Variants in TBC1D19 observed in about 807,000 individuals in gnomAD.
TBC1D19 encodes the protein TBC1 domain family, member 19.
In TBC1D19, 60 loss-of-function variants were observed where a neutral mutation model predicts 89.0. That is an observed-to-expected ratio of 0.67 (90% CI 0.55 to 0.84). The LOEUF (loss-of-function observed/expected upper bound fraction) is 0.84, where lower values mean the gene tolerates loss of function less well. Ranked by LOEUF, TBC1D19 falls within the 40% of genes least tolerant of loss-of-function variation. The pLI is 0.00. For synonymous variants in TBC1D19, 189 were observed against 199.7 expected (o/e 0.95, Z 0.45); for missense variants, 500 against 610.8 (o/e 0.82, Z 1.91).
chr4:26,591,652 G>A (rs1739817123), intron 1 of TBC1D19, among the ~76,000 whole-genome samples: 1 of 151,972 alleles, frequency 6.6e-6, no homozygotes, highest in African/African-American at 2.4e-5. Context: ...ATGATAAAGG[G>A]GATATCACCA....
chr4:26,806,039 T>C, the TBC1D19 span, among the ~76,000 whole-genome samples: 2 of 152,070 alleles, frequency 1.3e-5, no homozygotes, highest in Non-Finnish European at 2.9e-5. Context: ...CCTGCTTCTC[T>C]AACCTCACCC....
the TBC1D19 span, among the ~76,000 whole-genome samples, chr4:26,848,217 C>T: frequency 1.7e-3 from 251 of 152,064 alleles, 1 homozygote; most frequent in Non-Finnish European, 2.8e-3. Context: ...TAGAATGAAA[C>T]GGTGAGGAAA....
chr4:26,817,981 A>AAAAAATATAT, the TBC1D19 span, among the ~76,000 whole-genome samples: 521 of 125,974 alleles, frequency 4.1e-3, 7 homozygotes, highest in African/African-American at 0.018. Context: ...AAAAAAAAAA[A>AAAAAATATAT]ATATATATAT....
At chr4:26,839,461 C>T in the TBC1D19 span, among the ~76,000 whole-genome samples, 2 of 151,994 alleles carry the variant, frequency 1.3e-5, no homozygotes. Context: ...AAACAGAGCT[C>T]TTGCTTCATT....
intron 15 of TBC1D19, among the ~76,000 whole-genome samples, chr4:26,727,813 C>T (rs1470455823): frequency 1.3e-5 from 2 of 151,884 alleles, no homozygotes; most frequent in African/African-American, 2.4e-5. Flanking sequence ...ATTTATAAGC[C>T]TTGATTATAT....
chr4:26,717,952 G>A lies in TBC1D19; in HGVS notation c.974G>A (p.Arg325Gln), dbSNP rs778091482. 15 of 1,610,352 alleles carry A rather than the reference G, an allele frequency of 9.3e-6. No individual in the cohort carries two copies. The highest frequency in any genetic ancestry group is 4.0e-5 in the African/African-American group (3 of 74,628). The change falls in exon 14 of 21, where the codon CGG (arginine) becomes CAG (glutamine). Residue 325 changes from arginine (R) to glutamine (Q), a missense_variant. Coordinates refer to ENST00000264866, the MANE Select transcript of TBC1D19 (RefSeq NM_018317.4). Reference protein sequence around the residue: ...YLYQVLLCFSRDTSVLSHFAF... With the variant: ...YLYQVLLCFSQDTSVLSHFAF... ...ATTCAGGTATTACTTTGTTTTTCCC[G>A]GGATACATCTGTGTTGAGTCACTTT...
intron 1 of TBC1D19, among the ~76,000 whole-genome samples, chr4:26,590,248 T>C (rs942296499): frequency 6.6e-6 from 1 of 152,234 alleles, no homozygotes; most frequent in Non-Finnish European, 1.5e-5. Context: ...ACTGATGGGT[T>C]CAGAATGTAT....
chr4:26,774,173 A>G, the TBC1D19 span, among the ~76,000 whole-genome samples: 9 of 152,314 alleles, frequency 5.9e-5, no homozygotes, highest in Middle Eastern at 3.4e-3. Context: ...GATCCACCTG[A>G]TCCTCAACCA....
intron 1 of TBC1D19, among the ~76,000 whole-genome samples, chr4:26,609,937 T>C (rs1163921326): frequency 6.6e-6 from 1 of 152,098 alleles, no homozygotes; most frequent in Non-Finnish European, 1.5e-5. Flanking sequence ...TGTAATGAGA[T>C]AGATGATATA....
At chr4:26,654,872 T>C (rs1641557) in intron 7 of TBC1D19, among the ~76,000 whole-genome samples, 148,901 of 152,246 alleles carry the variant, frequency 0.98, 72,898 homozygotes, top group East Asian at 1. Flanking sequence ...CTTCTCTCAA[T>C]TCATCAAATT....
Position 26,576,687 on chromosome 4 carries a change from A to G in TBC1D19, c.-105A>G, listed in dbSNP as rs1352797352. The G allele has an allele frequency of 1.1e-5, 5 of 455,898 alleles. No individual in the cohort carries two copies. The Admixed American group carries it at 1.2e-4, about 11-fold the overall frequency. The allele number at this position is 455,898 out of a possible 1,614,324, so 28.2% of individuals were successfully genotyped here. ...CCAAGAGTGGAGTCCAATTCAGCAGAGAATTCACGGACAGAAGAACAACAC... is the reference window on the plus strand; with the variant it reads ...CCAAGAGTGGAGTCCAATTCAGCAGGGAATTCACGGACAGAAGAACAACAC... On this transcript the variant is annotated 5_prime_UTR_variant, in exon 1 of 13. Coordinates refer to the TBC1D19 transcript ENST00000512840.
chr4:26,740,934 A>G, intron 17 of TBC1D19: 3 of 985,474 alleles, frequency 3.0e-6, no homozygotes, highest in Non-Finnish European at 3.6e-6. Flanking sequence ...CCAGGATGTT[A>G]CAGATAAACA....
intron 1 of TBC1D19, among the ~76,000 whole-genome samples, chr4:26,597,529 T>C (rs900165368): frequency 4.7e-5 from 7 of 148,826 alleles, no homozygotes; most frequent in African/African-American, 1.7e-4. Context: ...GAGTCTTTTT[T>C]TTTTTTTTTT....
At chr4:26,786,900 A>G in the TBC1D19 span, among the ~76,000 whole-genome samples, 2 of 152,278 alleles carry the variant, frequency 1.3e-5, no homozygotes, top group East Asian at 1.9e-4. Flanking sequence ...AGTATCTTTG[A>G]AGTCAATTAG....
At chr4:26,717,523 C>G (rs1716707350) in intron 13 of TBC1D19, among the ~76,000 whole-genome samples, 1 of 152,082 alleles carries the variant, frequency 6.6e-6, no homozygotes, top group African/African-American at 2.4e-5. Context: ...CCCACCCTGA[C>G]ATGCCTAACT....
chr4:26,601,689 G>C (rs1577779863), intron 1 of TBC1D19, among the ~76,000 whole-genome samples: 3 of 152,162 alleles, frequency 2.0e-5, no homozygotes, highest in East Asian at 3.8e-4. Context: ...GAGGGTGAAG[G>C]CATGGAGTTG....
chr4:26,840,023 A>C, the TBC1D19 span, among the ~76,000 whole-genome samples: 1 of 151,924 alleles, frequency 6.6e-6, no homozygotes, highest in Non-Finnish European at 1.5e-5. Flanking sequence ...TTTTTTAAAG[A>C]AAACTTGGTT....
At chr4:26,757,550 T>G (rs904675509), downstream of TBC1D19, among the ~76,000 whole-genome samples, 11 of 152,242 alleles carry the variant, frequency 7.2e-5, no homozygotes, top group African/African-American at 2.7e-4. Flanking sequence ...GTTATGACTT[T>G]ATAGTATAGA....
intron 13 of TBC1D19, 131 bp from the exon 14 acceptor site, chr4:26,717,802 G>A (rs534683396): frequency 1.7e-5 from 11 of 635,424 alleles, no homozygotes; most frequent in African/African-American, 1.1e-4. Context: ...AAGGTATACC[G>A]ATAAAGGGCA....
Sources: gnomAD v4.1 joint callset for allele counts (sites outside exome capture counted in the v4.1 genomes callset) on GRCh38, gnomAD v4.1.1 for gene constraint, MANE v1.5 for transcripts, NCBI Gene and HGNC (gene_info 2026-07-23, HGNC 2026-07-21) for gene names.